Variants in ACBD6 observed in about 807,000 individuals in gnomAD.
ACBD6 encodes the protein acyl-CoA binding domain containing 6.
In ACBD6, 28 loss-of-function variants were observed where a neutral mutation model predicts 37.2. The observed-to-expected ratio is 0.75, with a 90% CI of 0.56 to 1.03. The LOEUF (loss-of-function observed/expected upper bound fraction) is 1.03, where lower values mean the gene tolerates loss of function less well. Among genes scored for constraint, ACBD6 ranks in the 50% least tolerant of loss-of-function variants. The probability of loss-of-function intolerance (pLI) is 0.00; values close to 1 mark genes in which losing one functional copy is unlikely to be tolerated. For missense variants in ACBD6, 340 were observed against 337.4 expected, an observed-to-expected ratio of 1.01 and a Z score of -0.06; for synonymous variants, 113 against 126.8, an observed-to-expected ratio of 0.89 and a Z score of 0.73.
At chr1:180,293,744 GTTT>G (rs565382628) in intron 7 of ACBD6, among the ~76,000 whole-genome samples, 2 of 150,686 alleles carry the variant, frequency 1.3e-5, no homozygotes, top group African/African-American at 4.9e-5. Context: ...TTTTATTTTT[GTTT>G]TTTTTTAAGA....
intron 2 of ACBD6, among the ~76,000 whole-genome samples, chr1:180,493,957 G>A (rs1473742759): frequency 2.6e-5 from 4 of 152,172 alleles, no homozygotes. Context: ...TTTCAGCAGA[G>A]TAATATATAG....
At chr1:180,287,149 G>GT (rs1014872689), downstream of ACBD6, 1 of 152,106 alleles carries the variant, frequency 6.6e-6, no homozygotes, top group Non-Finnish European at 1.5e-5. Context: ...GCTCACACCT[G>GT]TAATCTCAGC....
At chr1:180,432,225 T>C (rs1200780258) in intron 3 of ACBD6, among the ~76,000 whole-genome samples, 1 of 151,202 alleles carries the variant, frequency 6.6e-6, no homozygotes, top group Non-Finnish European at 1.5e-5. Flanking sequence ...AAAAAATTTA[T>C]AATCCATGAG....
intron 5 of ACBD6, among the ~76,000 whole-genome samples, chr1:180,401,901 A>G (rs1048109898): frequency 6.6e-6 from 1 of 152,142 alleles, no homozygotes; most frequent in African/African-American, 2.4e-5. Context: ...CAAAGTACAT[A>G]TACCATACGT....
chr1:180,352,551 T>A (rs1196327516), intron 6 of ACBD6, among the ~76,000 whole-genome samples: 1 of 152,214 alleles, frequency 6.6e-6, no homozygotes, highest in Non-Finnish European at 1.5e-5. Flanking sequence ...CAAGTATTAT[T>A]CTGCTTCCTA....
intron 2 of ACBD6, among the ~76,000 whole-genome samples, chr1:180,493,271 A>AAAAC (rs1651591427): frequency 2.1e-5 from 3 of 141,142 alleles, no homozygotes; most frequent in Non-Finnish European, 3.0e-5. Flanking sequence ...AAAAAAAAAA[A>AAAAC]AAAAAAACAA....
intron 6 of ACBD6, among the ~76,000 whole-genome samples, chr1:180,350,654 G>A (rs1289966043): frequency 3.9e-5 from 6 of 152,174 alleles, no homozygotes; most frequent in African/African-American, 1.4e-4. Flanking sequence ...AGCTGTTTCT[G>A]CTACCTATCC....
At chr1:180,446,272 C>G (rs185040336) in intron 3 of ACBD6, among the ~76,000 whole-genome samples, 171 of 152,072 alleles carry the variant, frequency 1.1e-3, no homozygotes, top group African/African-American at 3.5e-3. Flanking sequence ...CTCAGCCTCC[C>G]TAAGTGCTGA....
intron 5 of ACBD6, among the ~76,000 whole-genome samples, chr1:180,407,337 G>A (rs1330806924): frequency 6.6e-6 from 1 of 152,220 alleles, no homozygotes; most frequent in Non-Finnish European, 1.5e-5. Context: ...CAAACTGGAA[G>A]ATCTGGAAAG....
chr1:180,420,496 G>A (rs1648312051), intron 4 of ACBD6, among the ~76,000 whole-genome samples: 2 of 152,184 alleles, frequency 1.3e-5, no homozygotes, highest in Admixed American at 1.3e-4. Flanking sequence ...TGTGTAATGA[G>A]CCTTAAAGGT....
intron 4 of ACBD6, among the ~76,000 whole-genome samples, chr1:180,422,099 A>G (rs1648390566): frequency 6.6e-6 from 1 of 152,248 alleles, no homozygotes; most frequent in African/African-American, 2.4e-5. Context: ...CTACACCTAC[A>G]TAAAAGCTGA....
chr1:180,452,341 G>C (rs150551756), intron 3 of ACBD6, among the ~76,000 whole-genome samples: 1 of 151,984 alleles, frequency 6.6e-6, no homozygotes, highest in Non-Finnish European at 1.5e-5. Context: ...ATGGTGGCAC[G>C]TGCCAGTAGT....
intron 6 of ACBD6, among the ~76,000 whole-genome samples, chr1:180,349,580 T>G (rs201816725): frequency 1.2e-4 from 1 of 8,260 alleles, no homozygotes; most frequent in Non-Finnish European, 3.3e-4. Context: ...TATAAAAAAA[T>G]AAATAAAATT....
At chr1:180,274,058 G>C in exon 11 of ACBD6, 10 of 1,197,100 alleles carry the variant, frequency 8.4e-6, no homozygotes, top group Admixed American at 1.7e-5. Context: ...TCTGACCCAT[G>C]CTTGGCTGCA....
intron 6 of ACBD6, among the ~76,000 whole-genome samples, chr1:180,394,974 T>C (rs570630624): frequency 6.6e-6 from 1 of 152,190 alleles, no homozygotes; most frequent in Admixed American, 6.5e-5. Context: ...ATCAATACAA[T>C]GGGAAACTGA....
At chr1:180,408,800 A>G (rs1034948240) in intron 5 of ACBD6, among the ~76,000 whole-genome samples, 1 of 152,168 alleles carries the variant, frequency 6.6e-6, no homozygotes, top group Non-Finnish European at 1.5e-5. Context: ...AAGTTGAAAA[A>G]TCAAGAAATA....
intron 9 of ACBD6, chr1:180,278,347 T>C (rs1030082070): frequency 7.9e-5 from 12 of 152,142 alleles, no homozygotes; most frequent in African/African-American, 2.7e-4. Context: ...GCTCTCTTCT[T>C]TCTTGGATTG....
chr1:180,297,083 T>C lies in ACBD6; in HGVS notation c.695-8566A>G, dbSNP rs986682462. 5.9e-5 allele frequency among the ~76,000 whole-genome samples: 9 copies of C among 152,240 alleles called. No homozygotes were observed. In the South Asian group the frequency reaches 6.2e-4, roughly 11 times the overall value. ...AAGCAGAACTCCCCAGGGGTTTGTT[T>C]TAAATGATTTAGCAGTGATATTTCT... On this transcript the variant is annotated intron_variant, in intron 7 of 7. Coordinates refer to ENST00000367595, the MANE Select transcript of ACBD6 (RefSeq NM_032360.4).
chr1:180,452,902 TG>T (rs2102029511), intron 3 of ACBD6, among the ~76,000 whole-genome samples: 1 of 152,266 alleles, frequency 6.6e-6, no homozygotes, highest in South Asian at 2.1e-4. Context: ...TAACAAGTTC[TG>T]AAATTGAGGC....
Sources: allele counts gnomAD v4.1 joint callset (sites outside exome capture counted in the v4.1 genomes callset), GRCh38; gene constraint gnomAD v4.1.1; transcripts MANE v1.5; gene names NCBI Gene and HGNC (gene_info 2026-07-23, HGNC 2026-07-21).